Variants in FRMD4A observed in about 807,000 individuals in gnomAD.
FRMD4A encodes FERM domain containing 4A, also known as FERM domain-containing protein 4A.
FRMD4A carries 29 observed loss-of-function variants against 129.1 expected under a neutral mutation model. That is an observed-to-expected ratio of 0.22 (90% CI 0.17 to 0.31). The LOEUF (loss-of-function observed/expected upper bound fraction) is 0.31, where lower values mean the gene tolerates loss of function less well. Among genes scored for constraint, FRMD4A ranks in the 10% least tolerant of loss-of-function variants. The probability of loss-of-function intolerance (pLI) is 1.00; values close to 1 mark genes in which losing one functional copy is unlikely to be tolerated. For synonymous variants in FRMD4A, 634 were observed against 571.6 expected (o/e 1.11, Z -1.56); for missense variants, 1,272 against 1,375.8 (o/e 0.92, Z 1.19).
intron 2 of FRMD4A, among the ~76,000 whole-genome samples, chr10:13,861,678 C>A (rs1400544835): frequency 6.6e-6 from 1 of 152,214 alleles, no homozygotes; most frequent in Admixed American, 6.5e-5. Context: ...AGTCCTTATT[C>A]ACCCGTTGAA....
intron 2 of FRMD4A, among the ~76,000 whole-genome samples, chr10:13,868,575 G>A (rs1005184790): frequency 3.3e-5 from 5 of 152,196 alleles, no homozygotes; most frequent in Admixed American, 6.5e-5. Context: ...AGCAGAGGCA[G>A]GAGGATCATT....
At chr10:13,688,284 T>C (rs1269564301) in intron 15 of FRMD4A, among the ~76,000 whole-genome samples, 2 of 151,958 alleles carry the variant, frequency 1.3e-5, no homozygotes, top group East Asian at 1.9e-4. Flanking sequence ...CTCGGCAAAC[T>C]ATAGCAAGCA....
At chr10:14,125,550 G>A (rs1040006425) in intron 2 of FRMD4A, among the ~76,000 whole-genome samples, 23 of 152,168 alleles carry the variant, frequency 1.5e-4, no homozygotes, top group Admixed American at 7.2e-4. Flanking sequence ...CTGGGTGAGA[G>A]GGGCGTTTTG....
chr10:13,732,661 G>T (rs919041688), intron 12 of FRMD4A, among the ~76,000 whole-genome samples: 1 of 152,218 alleles, frequency 6.6e-6, no homozygotes, highest in Admixed American at 6.5e-5. Context: ...ACAGTGCTGG[G>T]TGTCACTCCC....
intron 3 of FRMD4A, among the ~76,000 whole-genome samples, chr10:13,842,052 C>T (rs943600561): frequency 6.6e-6 from 1 of 152,186 alleles, no homozygotes; most frequent in Non-Finnish European, 1.5e-5. Context: ...CCTTGTTCCT[C>T]TCACAACAGG....
rs979278258 is a variant in FRMD4A at position 13,681,572 on chromosome 10, A to G, written c.1118-6528T>C. Among the ~76,000 whole-genome samples the G allele has an allele frequency of 4.0e-5, 6 of 148,424 alleles. No homozygotes were observed. The South Asian group carries it at 8.3e-4, about 21-fold the overall frequency. On this transcript the variant is annotated intron_variant, in intron 15 of 24. Transcript: ENST00000357447. ...CATATATATATGTATGTATATATGT[A>G]TATGTGTATATATATATATTTTTGT...
At chr10:13,793,858 C>T (rs74121687) in intron 5 of FRMD4A, among the ~76,000 whole-genome samples, 3,313 of 152,210 alleles carry the variant, frequency 0.022, 105 homozygotes, top group African/African-American at 0.072. Flanking sequence ...GGTAAAGAGA[C>T]GGAATTCACC....
intron 2 of FRMD4A, among the ~76,000 whole-genome samples, chr10:14,014,157 A>G (rs1158861930): frequency 2.0e-5 from 3 of 152,158 alleles, no homozygotes; most frequent in African/African-American, 7.2e-5. Context: ...ACCTGCCCCC[A>G]GCTGGGGGAT....
rs115332301 is a variant in FRMD4A, at chr10:13,987,246, A to C, written c.46-128334T>G. Among the ~76,000 whole-genome samples, 1,429 of 152,300 alleles carry C rather than the reference A, an allele frequency of 9.4e-3. 22 individuals are homozygous for C. The highest frequency in any genetic ancestry group is 0.032 in the African/African-American group (1,345 of 41,548). On this transcript the variant is annotated intron_variant, in intron 2 of 24. Coordinates refer to ENST00000357447, the MANE Select transcript of FRMD4A (RefSeq NM_018027.5). ...ACTATCGTGGGATAGAAACCCCAGCAGAGCAACTGGCCCATGGAAGGAGTT... is the reference window on the plus strand; with the variant it reads ...ACTATCGTGGGATAGAAACCCCAGCCGAGCAACTGGCCCATGGAAGGAGTT...
chr10:13,861,493 T>C (rs564730691), intron 2 of FRMD4A, among the ~76,000 whole-genome samples: 1 of 152,308 alleles, frequency 6.6e-6, no homozygotes, highest in Non-Finnish European at 1.5e-5. Flanking sequence ...GATTCTGAGT[T>C]ATAACAATGA....
chr10:13,902,839 C>CAGA (rs2094836688), intron 2 of FRMD4A, among the ~76,000 whole-genome samples: 1 of 97,152 alleles, frequency 1.0e-5, no homozygotes, highest in East Asian at 2.6e-4. Flanking sequence ...GATGCAGTCT[C>CAGA]AAAAAAAAAA....
At position 13,695,175 on chromosome 10, in the gene FRMD4A, C is replaced by T. The variant is rs2134838235; in HGVS notation, c.976-1136G>A. Among the ~76,000 whole-genome samples the T allele has an allele frequency of 2.0e-5, 3 of 151,466 alleles. No homozygotes were observed. The South Asian group carries it at 6.3e-4, about 32-fold the overall frequency. ...TTTTTTTTTTTTTGAGACAGAGTCTCAGTCACCCAGGCTGGAGTGCAGTGG... is the reference window on the plus strand; with the variant it reads ...TTTTTTTTTTTTTGAGACAGAGTCTTAGTCACCCAGGCTGGAGTGCAGTGG... On this transcript the variant is annotated intron_variant, in intron 14 of 24. Coordinates refer to ENST00000357447, the MANE Select transcript of FRMD4A (RefSeq NM_018027.5).
At chr10:13,655,437 C>T (rs1464939373) in intron 22 of FRMD4A, 1 of 152,132 alleles carries the variant, frequency 6.6e-6, no homozygotes, top group African/African-American at 2.4e-5. Context: ...TTTCACTGGG[C>T]TATTTTACAG....
chr10:14,140,540 C>T (rs1839785032), intron 2 of FRMD4A, among the ~76,000 whole-genome samples: 1 of 152,202 alleles, frequency 6.6e-6, no homozygotes, highest in Admixed American at 6.5e-5. Flanking sequence ...GACCTTTCCA[C>T]TTAACCTCTG....
intron 2 of FRMD4A, among the ~76,000 whole-genome samples, chr10:14,198,100 C>G (rs1485708631): frequency 6.6e-6 from 1 of 152,240 alleles, no homozygotes; most frequent in Non-Finnish European, 1.5e-5. Flanking sequence ...GACCTTCAAA[C>G]TACTCTCCCA....
intron 2 of FRMD4A, among the ~76,000 whole-genome samples, chr10:14,305,233 C>G (rs1468782639): frequency 1.3e-5 from 2 of 152,180 alleles, no homozygotes; most frequent in African/African-American, 2.4e-5. Flanking sequence ...TTTCCTTGAG[C>G]TATTTACCAG....
chr10:14,138,147 T>A (rs1839642256), intron 2 of FRMD4A, among the ~76,000 whole-genome samples: 1 of 152,188 alleles, frequency 6.6e-6, no homozygotes, highest in Admixed American at 6.5e-5. Context: ...CTAGAATAAA[T>A]CAAGAATAAA....
chr10:13,808,270 C>A (rs1356347281), intron 4 of FRMD4A, among the ~76,000 whole-genome samples: 1 of 152,196 alleles, frequency 6.6e-6, no homozygotes, highest in African/African-American at 2.4e-5. Context: ...AAGAATGGAA[C>A]TACGATTGCA....
At chr10:13,997,807 G>A (rs1015813670) in intron 2 of FRMD4A, among the ~76,000 whole-genome samples, 7 of 151,786 alleles carry the variant, frequency 4.6e-5, no homozygotes, top group Non-Finnish European at 1.0e-4. Context: ...GTAGAGATGG[G>A]GTTTTGCCAT....
Sources: allele counts gnomAD v4.1 joint callset (sites outside exome capture counted in the v4.1 genomes callset), GRCh38; gene constraint gnomAD v4.1.1; transcripts MANE v1.5; gene names NCBI Gene and HGNC (gene_info 2026-07-23, HGNC 2026-07-21).